MYL12B: variants seen among roughly 807,000 people sequenced by gnomAD.
MYL12B encodes the protein myosin regulatory light chain 12B.
MYL12B carries 3 observed loss-of-function variants against 12.9 expected under a neutral mutation model. The ratio of observed to expected loss-of-function variants is 0.23; its 90% CI spans 0.11 to 0.60. MYL12B has a LOEUF of 0.60. Ranked by LOEUF, MYL12B falls within the 20% of genes least tolerant of loss-of-function variation. The pLI, the probability that MYL12B is intolerant of heterozygous loss-of-function variation, is 0.89. For synonymous variants in MYL12B, 57 were observed against 71.9 expected (o/e 0.79, Z 1.05); for missense variants, 120 against 215.4 (o/e 0.56, Z 2.77).
intron 2 of MYL12B, 104 bp downstream of exon 2, chr18:3,273,186 A>C: frequency 1.5e-6 from 2 of 1,297,814 alleles, no homozygotes; most frequent in Admixed American, 2.4e-5. Flanking sequence ...CTTGTCTCAA[A>C]AGGCCTCTGG....
chr18:3,272,778 C>T (rs2081691382), intron 1 of MYL12B, 106 bp from the exon 2 acceptor site: 2 of 1,015,488 alleles, frequency 2.0e-6, no homozygotes, highest in African/African-American at 1.6e-5. Flanking sequence ...AGTAATAATT[C>T]CTTATTGATA....
chr18:3,274,139 G>A (rs1024612267), intron 2 of MYL12B, among the ~76,000 whole-genome samples: 4 of 152,122 alleles, frequency 2.6e-5, no homozygotes, highest in Non-Finnish European at 5.9e-5. Context: ...TTGTTGACTT[G>A]TAGTTAGATT....
intron 1 of MYL12B, among the ~76,000 whole-genome samples, chr18:3,263,726 G>A (rs1197639695): frequency 6.6e-6 from 1 of 152,128 alleles, no homozygotes; most frequent in African/African-American, 2.4e-5. Flanking sequence ...GCATCTTTGT[G>A]ATCTTCCTTC....
At chr18:3,263,506 T>C (rs971739745) in intron 1 of MYL12B, among the ~76,000 whole-genome samples, 3 of 152,218 alleles carry the variant, frequency 2.0e-5, no homozygotes, top group Non-Finnish European at 4.4e-5. Context: ...GCTTTTATGA[T>C]GGCTGACTCG....
At chr18:3,272,047 A>G (rs1244155899) in intron 1 of MYL12B, 9 of 984,778 alleles carry the variant, frequency 9.1e-6, no homozygotes, top group Non-Finnish European at 1.1e-5. Context: ...AAACAGAAGG[A>G]AAAATGAAGA....
At chr18:3,267,662 C>T (rs539040815) in intron 1 of MYL12B, among the ~76,000 whole-genome samples, 30 of 152,266 alleles carry the variant, frequency 2.0e-4, no homozygotes, top group African/African-American at 7.2e-4. Context: ...ATCTCATTCA[C>T]ATAATTTTTA....
intron 2 of MYL12B, 187 bp from the exon 3 acceptor site, chr18:3,277,066 A>G: frequency 2.1e-6 from 2 of 943,508 alleles, no homozygotes; most frequent in Non-Finnish European, 2.5e-6. Flanking sequence ...ATACATTTTT[A>G]TAATGATGTA....
At chr18:3,274,871 A>G (rs909840839) in intron 2 of MYL12B, among the ~76,000 whole-genome samples, 2 of 152,234 alleles carry the variant, frequency 1.3e-5, no homozygotes, top group African/African-American at 2.4e-5. Flanking sequence ...AGGAATGTAA[A>G]TAAGTACAGC....
chr18:3,273,941 T>G (rs2081705927), intron 2 of MYL12B, among the ~76,000 whole-genome samples: 1 of 151,736 alleles, frequency 6.6e-6, no homozygotes, highest in South Asian at 2.1e-4. Context: ...CCTAACACAT[T>G]GAAAGTAAAG....
At chr18:3,275,776 C>T (rs2081725083) in intron 2 of MYL12B, among the ~76,000 whole-genome samples, 2 of 151,674 alleles carry the variant, frequency 1.3e-5, no homozygotes, top group African/African-American at 4.9e-5. Flanking sequence ...AGTTTTTCTT[C>T]CCCCCAAAAA....
chr18:3,276,330 G>A (rs2144366153), intron 2 of MYL12B: 1 of 606,882 alleles, frequency 1.6e-6, no homozygotes, highest in Admixed American at 6.4e-5. Context: ...TTGGTTCAGT[G>A]CTGCTTTTCC....
intron 1 of MYL12B, among the ~76,000 whole-genome samples, chr18:3,268,006 ATTG>A (rs918025857): frequency 1.3e-5 from 2 of 152,164 alleles, no homozygotes; most frequent in Non-Finnish European, 2.9e-5. Context: ...TTGTATTTTT[ATTG>A]TTGTATTTTT....
intron 2 of MYL12B, among the ~76,000 whole-genome samples, chr18:3,273,483 C>A: frequency 6.6e-6 from 1 of 151,860 alleles, no homozygotes; most frequent in Admixed American, 6.6e-5. Context: ...AGGGGCAGTG[C>A]GACTGGAAAA....
At chr18:3,266,328 G>T (rs545671527) in intron 1 of MYL12B, among the ~76,000 whole-genome samples, 21 of 151,928 alleles carry the variant, frequency 1.4e-4, no homozygotes, top group African/African-American at 4.8e-4. Context: ...GCATGACCTG[G>T]CTCCCGCCGA....
At chr18:3,264,568 T>A (rs1039296079) in intron 1 of MYL12B, among the ~76,000 whole-genome samples, 12 of 152,140 alleles carry the variant, frequency 7.9e-5, no homozygotes, top group Admixed American at 7.9e-4. Context: ...GCAAAGTAGC[T>A]GTGTATGGTG....
intron 3 of MYL12B, 80 bp downstream of exon 3, chr18:3,277,494 T>C (rs995656817): frequency 6.5e-6 from 10 of 1,541,042 alleles, no homozygotes; most frequent in African/African-American, 5.6e-5. Flanking sequence ...TTTTCTTTTT[T>C]TACCTTTAGA....
intron 1 of MYL12B, chr18:3,262,653 G>A (rs2144347967): frequency 6.6e-6 from 1 of 152,398 alleles, no homozygotes; most frequent in East Asian, 2.0e-4. Context: ...CGGTGGATTG[G>A]GGCCGACCCG....
intron 2 of MYL12B, 170 bp from the exon 3 acceptor site, chr18:3,277,083 A>AT (rs1165036931): frequency 3.3e-5 from 31 of 933,728 alleles, no homozygotes; most frequent in Non-Finnish European, 3.6e-5. Context: ...TGTATCCAAT[A>AT]TTTTTTAAGT....
chr18:3,269,877 A>G (rs550147271), intron 1 of MYL12B, among the ~76,000 whole-genome samples: 4 of 152,228 alleles, frequency 2.6e-5, no homozygotes, highest in Non-Finnish European at 4.4e-5. Context: ...AGTCTTTCCA[A>G]TATAATGCTT....
Sources: allele counts gnomAD v4.1 joint callset (sites outside exome capture counted in the v4.1 genomes callset), GRCh38; gene constraint gnomAD v4.1.1; transcripts MANE v1.5; gene names NCBI Gene and HGNC (gene_info 2026-07-23, HGNC 2026-07-21).